The following ACTL8 variants were observed in gnomAD, a reference collection of about 807,000 sequenced individuals.
ACTL8 encodes actin-like protein 8.
Under a neutral mutation model 9.3 loss-of-function variants are expected in ACTL8, and 3 were observed. That is an observed-to-expected ratio of 0.32 (90% confidence interval 0.15 to 0.83). The LOEUF is 0.83. ACTL8 is among the 40% of genes least tolerant of loss of function. The probability of loss-of-function intolerance (pLI) is 0.57; values close to 1 mark genes in which losing one functional copy is unlikely to be tolerated. For missense variants in ACTL8, 381 were observed against 492.2 expected, an observed-to-expected ratio of 0.77 and a Z score of 2.14; for synonymous variants, 224 against 205.9, an observed-to-expected ratio of 1.09 and a Z score of -0.75.
intron 1 of ACTL8, among the ~76,000 whole-genome samples, chr1:17,773,357 C>T (rs1398104726): frequency 1.3e-5 from 2 of 152,220 alleles, no homozygotes; most frequent in African/African-American, 4.8e-5. Context: ...CAAGCTGTCT[C>T]ACCTCTGTGG....
intron 1 of ACTL8, among the ~76,000 whole-genome samples, chr1:17,775,632 A>C (rs1163811466): frequency 6.6e-6 from 1 of 152,218 alleles, no homozygotes; most frequent in African/African-American, 2.4e-5. Flanking sequence ...TGGTAGTTAA[A>C]TCTAACAGCC....
At chr1:17,812,613 G>A (rs1036710631) in intron 1 of ACTL8, among the ~76,000 whole-genome samples, 2 of 108,502 alleles carry the variant, frequency 1.8e-5, no homozygotes, top group Admixed American at 9.4e-5. Context: ...TTTTTTTTTT[G>A]TATTTTAGTA....
chr1:17,825,223 C>T (rs916503034), intron 2 of ACTL8, among the ~76,000 whole-genome samples: 1 of 152,124 alleles, frequency 6.6e-6, no homozygotes, highest in Non-Finnish European at 1.5e-5. Flanking sequence ...AAGGCTTTTC[C>T]TGCCAGGCAG....
rs1001943270 is a variant in ACTL8 at position 17,826,601 on chromosome 1, G to A, written c.*82G>A. 3 of 1,298,926 alleles carry A rather than the reference G, an allele frequency of 2.3e-6. No individual in the cohort carries two copies. The highest frequency in any genetic ancestry group is 1.5e-5 in the African/African-American group (1 of 67,426). The allele number at this position is 1,298,926 out of a possible 1,614,324, so 80.5% of individuals were successfully genotyped here. On this transcript the variant is annotated 3_prime_UTR_variant, in exon 3 of 3. Coordinates refer to ENST00000375406, the MANE Select transcript of ACTL8 (RefSeq NM_030812.3). The surrounding 1 kb of genome is among the most constrained non-coding windows in gnomAD (Gnocchi z 4.5). Reference sequence around the variant, plus strand: ...TTTTAGCAAAATGTTCTGGGTGGGGGTAGAATGAGGTGGGGTGGGGTGAGC... The same window carrying A: ...TTTTAGCAAAATGTTCTGGGTGGGGATAGAATGAGGTGGGGTGGGGTGAGC...
intron 1 of ACTL8, among the ~76,000 whole-genome samples, chr1:17,807,134 T>G (rs2102696010): frequency 6.6e-6 from 1 of 152,352 alleles, no homozygotes; most frequent in African/African-American, 2.4e-5. Context: ...GTGATTACTG[T>G]GGGCTCACAT....
chr1:17,765,299 T>C lies in ACTL8; in HGVS notation c.-25+9795T>C, dbSNP rs1006471640. 5.3e-5 allele frequency among the ~76,000 whole-genome samples: 8 copies of C among 152,190 alleles called. No individual in the cohort carries two copies. The South Asian group carries it at 1.7e-3, about 32-fold the overall frequency. On this transcript the variant is annotated intron_variant, in intron 1 of 2. Transcript: ENST00000375406. ...ACCTCCACGTGGGCAGGGATTTTTA[T>C]CTGCCTTAGTTCACTGTGGTGTCCT... is the stretch of plus-strand genomic sequence containing the variant.
chr1:17,825,581 C>G (rs574297170), intron 2 of ACTL8, among the ~76,000 whole-genome samples, 186 bp from the exon 3 acceptor site: 1 of 152,316 alleles, frequency 6.6e-6, no homozygotes, highest in Admixed American at 6.5e-5. Flanking sequence ...GAGGGCAAAC[C>G]CAGCTCCCCT....
At chr1:17,777,978 G>A (rs1296246686) in intron 1 of ACTL8, among the ~76,000 whole-genome samples, 8 of 152,206 alleles carry the variant, frequency 5.3e-5, no homozygotes, top group African/African-American at 1.2e-4. Flanking sequence ...AATTACAGGC[G>A]TGAGCCACCG....
chr1:17,826,457 C>T lies in ACTL8; in HGVS notation c.1039C>T (p.Leu347Phe), dbSNP rs763672446. 1.2e-6 allele frequency: 2 copies of T among 1,611,992 alleles called. No individual in the cohort carries two copies. Among genetic ancestry groups the T allele is most frequent in the South Asian group, 1.1e-5 (1 of 90,676 alleles). ...GCTAGGAGCGTCCGTGGTGGCTCAC[C>T]TTTCTACCTACCAGTCTGAGTGGAT... ...VWLGASVVAH[L>F]STYQSEWMSR... The change falls in exon 3 of 3, where the codon CTT (leucine) becomes TTT (phenylalanine). Residue 347 changes from leucine (L) to phenylalanine (F), a missense_variant. Around this residue, in one of 3 missense-constraint regions of ACTL8, gnomAD observed 243 missense variants for 276.2 expected, o/e 0.88. Transcript: ENST00000375406. The surrounding 1 kb of genome is among the most constrained non-coding windows in gnomAD (Gnocchi z 4.5).
In ACTL8 at chr1:17,800,778, A is replaced by G. The variant is rs928518212; in HGVS notation, c.-24-22207A>G. ...CCTGGCTAATTTTTGTATTTTTAGT[A>G]GAGTCTGGGTTTTGATATGTTGGCC... On this transcript the variant is annotated intron_variant, in intron 1 of 2. Transcript: ENST00000375406. 2.6e-5 allele frequency among the ~76,000 whole-genome samples: 4 copies of G among 151,598 alleles called. No homozygotes were observed. The East Asian group carries it at 7.8e-4, about 29-fold the overall frequency.
At chr1:17,763,403 G>T (rs1414606848) in intron 1 of ACTL8, among the ~76,000 whole-genome samples, 6 of 152,096 alleles carry the variant, frequency 3.9e-5, no homozygotes, top group Non-Finnish European at 7.4e-5. Context: ...CTCCCCGGAG[G>T]TGCTGGCATC....
chr1:17,780,605 C>G (rs1050936839), intron 1 of ACTL8, among the ~76,000 whole-genome samples: 1 of 151,942 alleles, frequency 6.6e-6, no homozygotes, highest in African/African-American at 2.4e-5. Context: ...GTAATTTTTG[C>G]TTTGTTTTAT....
chr1:17,818,685 C>T (rs765238592), intron 1 of ACTL8, among the ~76,000 whole-genome samples: 25 of 152,196 alleles, frequency 1.6e-4, no homozygotes, highest in Non-Finnish European at 3.4e-4. Context: ...TCAGATGTCA[C>T]CCTAGAAGGA....
At position 17,826,697 on chromosome 1, in the gene ACTL8, A is replaced by T; in HGVS notation, c.*178A>T. 1.7e-6 allele frequency: 1 copy of T among 579,750 alleles called. No homozygotes were observed. The highest frequency in any genetic ancestry group is 2.7e-6 in the Non-Finnish European group (1 of 366,692). The allele number at this position is 579,750 out of a possible 1,614,324, so 35.9% of individuals were successfully genotyped here. Reference sequence around the variant, plus strand: ...GGTTTTATCTTGTTGCAAGAGTGGGACCTACCCAAGGGGGAAGACAAGATG... The same window carrying T: ...GGTTTTATCTTGTTGCAAGAGTGGGTCCTACCCAAGGGGGAAGACAAGATG... On this transcript the variant is annotated 3_prime_UTR_variant, in exon 3 of 3. Coordinates refer to ENST00000375406, the MANE Select transcript of ACTL8 (RefSeq NM_030812.3). The surrounding 1 kb of genome is among the most constrained non-coding windows in gnomAD (Gnocchi z 4.5).
At chr1:17,802,473 A>G (rs2066328553) in intron 1 of ACTL8, among the ~76,000 whole-genome samples, 1 of 150,068 alleles carries the variant, frequency 6.7e-6, no homozygotes, top group African/African-American at 2.5e-5. Context: ...TGGTGCACAT[A>G]TTTATCAGAT....
chr1:17,798,695 C>G (rs973325433), intron 1 of ACTL8, among the ~76,000 whole-genome samples: 7 of 152,180 alleles, frequency 4.6e-5, no homozygotes, highest in Non-Finnish European at 8.8e-5. Flanking sequence ...TTTGTTCCCC[C>G]AGGTAAAACA....
At chr1:17,825,407 C>T (rs2053705522) in intron 2 of ACTL8, among the ~76,000 whole-genome samples, 1 of 152,158 alleles carries the variant, frequency 6.6e-6, no homozygotes, top group Non-Finnish European at 1.5e-5. Flanking sequence ...TGTTTCTTTT[C>T]TAATCTGTTC....
chr1:17,770,755 C>T (rs1196900447), intron 1 of ACTL8, among the ~76,000 whole-genome samples: 4 of 152,104 alleles, frequency 2.6e-5, no homozygotes, highest in Admixed American at 1.3e-4. Flanking sequence ...TGGTCATTCT[C>T]GCCATGCACA....
chr1:17,809,087 T>C (rs1380464218), intron 1 of ACTL8, among the ~76,000 whole-genome samples: 1 of 152,200 alleles, frequency 6.6e-6, no homozygotes. Flanking sequence ...AATGTATTTT[T>C]AAAAATTTAT....
Sources: gnomAD v4.1 joint callset for allele counts (sites outside exome capture counted in the v4.1 genomes callset) on GRCh38, gnomAD v4.1.1 for gene constraint, gnomAD v4.1.1 regional missense constraint, Gnocchi (gnomAD v3.1) non-coding constraint, MANE v1.5 for transcripts, NCBI Gene and HGNC (gene_info 2026-07-23, HGNC 2026-07-21) for gene names.